Variants in SCAF4 observed in about 807,000 individuals in gnomAD.
SCAF4 encodes SR-related and CTD-associated factor 4.
A neutral mutation model predicts 129.8 loss-of-function variants in SCAF4; 25 were observed. That is an observed-to-expected ratio of 0.19 (90% CI 0.14 to 0.27). The LOEUF (loss-of-function observed/expected upper bound fraction) is 0.27. Ranked by LOEUF, SCAF4 falls within the 10% of genes least tolerant of loss-of-function variation. The pLI, the probability that SCAF4 is intolerant of heterozygous loss-of-function variation, is 1.00. For missense variants in SCAF4, 1,246 were observed against 1,457.1 expected, an observed-to-expected ratio of 0.86 and a Z score of 2.36; for synonymous variants, 551 against 497.7, an observed-to-expected ratio of 1.11 and a Z score of -1.43.
intron 19 of SCAF4, among the ~76,000 whole-genome samples, chr21:31,680,911 A>G (rs761689064): frequency 2.0e-5 from 3 of 152,232 alleles, no homozygotes; most frequent in Non-Finnish European, 4.4e-5. Flanking sequence ...TTCAGGGATC[A>G]TAACGATAGC....
intron 1 of SCAF4, chr21:31,712,881 T>G: frequency 1.0e-6 from 1 of 974,010 alleles, no homozygotes; most frequent in Non-Finnish European, 1.2e-6. Context: ...ATAAAACTGT[T>G]AATAGCATGA....
intron 13 of SCAF4, 199 bp downstream of exon 13, chr21:31,692,150 T>C (rs937102387): frequency 1.9e-5 from 11 of 591,020 alleles, no homozygotes; most frequent in South Asian, 4.5e-5. Context: ...TTAAACTTGG[T>C]TATCCAAGAA....
rs754755503 is a variant in SCAF4 at position 31,701,126 on chromosome 21, A to G, written c.646T>C (p.Ser216Pro). Reference sequence around the variant, plus strand: ...ATCACAGCATTGTCAAGGGCAGGAGACTGTGGTTTTGGAGGCTGTTGAAAA... The same window carrying G: ...ATCACAGCATTGTCAAGGGCAGGAGGCTGTGGTTTTGGAGGCTGTTGAAAA... Reference protein sequence around the residue: ...QTFQQPPKPQSPALDNAVMAQ... With the variant: ...QTFQQPPKPQPPALDNAVMAQ... The change falls in exon 7 of 20, where the codon TCT becomes CCT. Residue 216 changes from serine (S) to proline (P), a missense_variant. Around this residue, in one of 6 missense-constraint regions of SCAF4, gnomAD observed 143 missense variants for 161.0 expected, o/e 0.89. Transcript: ENST00000286835. The G allele has an allele frequency of 1.9e-6, 3 of 1,606,906 alleles. No individual in the cohort carries two copies. The highest frequency in any genetic ancestry group is 2.6e-6 in the Non-Finnish European group (3 of 1,176,288).
At chr21:31,714,802 T>C (rs537680205) in intron 1 of SCAF4, among the ~76,000 whole-genome samples, 5 of 152,304 alleles carry the variant, frequency 3.3e-5, no homozygotes, top group African/African-American at 7.2e-5. Context: ...TAGGATTAAA[T>C]AGGATAATGT....
At chr21:31,689,359 G>A (rs944372176) in intron 15 of SCAF4, among the ~76,000 whole-genome samples, 2 of 151,176 alleles carry the variant, frequency 1.3e-5, no homozygotes, top group African/African-American at 4.9e-5. Context: ...GTGCAGTGGC[G>A]CAATCTCAAC....
At chr21:31,683,137 T>C (rs1034880438) in intron 19 of SCAF4, among the ~76,000 whole-genome samples, 6 of 152,238 alleles carry the variant, frequency 3.9e-5, no homozygotes, top group Middle Eastern at 3.2e-3. Context: ...AGAACGAAGA[T>C]AATCATCAGA....
At position 31,717,840 on chromosome 21, in the gene SCAF4, T is replaced by TACACACAC. The variant is rs538783172; in HGVS notation, c.31-11484_31-11483insGTGTGTGT. On this transcript the variant is annotated intron_variant, in intron 1 of 19. Coordinates refer to ENST00000286835, the MANE Select transcript of SCAF4 (RefSeq NM_020706.2). ...GAAACTGCTGCCATATATATATATA[T>TACACACAC]ATACACACACACACACACACACACA... 9.7e-5 allele frequency among the ~76,000 whole-genome samples: 8 copies of TACACACAC among 82,686 alleles called. No individual in the cohort carries two copies. The South Asian group carries it at 2.6e-3, about 27-fold the overall frequency. The allele number at this position is 82,686 out of a possible 152,430, so 54.2% of individuals were successfully genotyped here.
chr21:31,715,359 G>C (rs1005674182), intron 1 of SCAF4, among the ~76,000 whole-genome samples: 1 of 151,814 alleles, frequency 6.6e-6, no homozygotes, highest in African/African-American at 2.4e-5. Context: ...TAATTAACCC[G>C]TCTCAACATT....
chr21:31,681,547 T>A (rs2298366), intron 19 of SCAF4, among the ~76,000 whole-genome samples: 1 of 151,976 alleles, frequency 6.6e-6, no homozygotes. Context: ...CTATCATTTG[T>A]AATATTCCTT....
chr21:31,696,475 T>C (rs775361161), intron 8 of SCAF4, 94 bp downstream of exon 8: 18 of 1,213,868 alleles, frequency 1.5e-5, no homozygotes, highest in Non-Finnish European at 1.8e-5. Context: ...AACAACTTCA[T>C]AGAACATTGT....
chr21:31,727,996 G>T (rs987330889), intron 1 of SCAF4, among the ~76,000 whole-genome samples: 20 of 152,032 alleles, frequency 1.3e-4, no homozygotes, highest in Admixed American at 1.2e-3. Flanking sequence ...TGTTAAATGG[G>T]TATCTTTAAT....
chr21:31,729,471 C>T (rs2051291604), intron 1 of SCAF4, among the ~76,000 whole-genome samples: 1 of 152,172 alleles, frequency 6.6e-6, no homozygotes, highest in African/African-American at 2.4e-5. Flanking sequence ...GACTGAAATC[C>T]TTGGTAGCTC....
intron 7 of SCAF4, among the ~76,000 whole-genome samples, chr21:31,698,859 T>C (rs2050451122): frequency 6.6e-6 from 1 of 152,232 alleles, no homozygotes; most frequent in Non-Finnish European, 1.5e-5. Flanking sequence ...TCAAATTTGC[T>C]AGTCCCTACA....
chr21:31,702,646 T>G (rs1158088488), intron 4 of SCAF4, among the ~76,000 whole-genome samples: 1 of 152,144 alleles, frequency 6.6e-6, no homozygotes, highest in Non-Finnish European at 1.5e-5. Context: ...TCATTTTATT[T>G]TACTTATGGT....
chr21:31,700,624 A>G (rs1206818583), intron 7 of SCAF4: 1 of 271,462 alleles, frequency 3.7e-6, no homozygotes, highest in Non-Finnish European at 7.2e-6. Context: ...AATTAAAGAA[A>G]AGCATGTATC....
At position 31,700,874 on chromosome 21, in the gene SCAF4, A is replaced by G. The variant is rs531947951; in HGVS notation, c.777+121T>C. The G allele has an allele frequency of 7.3e-5, 82 of 1,120,216 alleles. No individual in the cohort carries two copies. The Middle Eastern group carries it at 1.2e-3, about 16-fold the overall frequency. 69.4% of individuals were successfully genotyped at this position (1,120,216 alleles called of 1,614,324 possible). On this transcript the variant is annotated intron_variant, in intron 7 of 19. Coordinates refer to ENST00000286835, the MANE Select transcript of SCAF4 (RefSeq NM_020706.2). ...TCGATGTTTTCTTGTTGAGGGGGAA[A>G]ATCTCTCAAATTACAAAACGACATA...
At chr21:31,717,841 A>ATATATATATATATATATATATATG (rs1368659249) in intron 1 of SCAF4, among the ~76,000 whole-genome samples, 2 of 83,298 alleles carry the variant, frequency 2.4e-5, no homozygotes, top group African/African-American at 8.5e-5. Context: ...ATATATATAT[A>ATATATATATATATATATATATATG]TACACACACA....
intron 19 of SCAF4, among the ~76,000 whole-genome samples, chr21:31,673,348 G>A (rs1200256345): frequency 2.0e-5 from 3 of 151,270 alleles, no homozygotes; most frequent in Non-Finnish European, 4.4e-5. Context: ...AAATGTTCCA[G>A]GTACTGTTAA....
chr21:31,682,141 T>A (rs986403681), intron 19 of SCAF4, among the ~76,000 whole-genome samples: 1 of 152,112 alleles, frequency 6.6e-6, no homozygotes, highest in African/African-American at 2.4e-5. Flanking sequence ...TCCTAAAAAG[T>A]AGGCCAGGTG....
Sources: gnomAD v4.1 joint callset for allele counts (sites outside exome capture counted in the v4.1 genomes callset) on GRCh38, gnomAD v4.1.1 for gene constraint, gnomAD v4.1.1 regional missense constraint, MANE v1.5 for transcripts, NCBI Gene and HGNC (gene_info 2026-07-23, HGNC 2026-07-21) for gene names.